The following KIF25 variants were observed in gnomAD, a reference collection of about 807,000 sequenced individuals.
KIF25 encodes kinesin-like protein KIF25.
In KIF25, 19 loss-of-function variants were observed where a neutral mutation model predicts 32.9. The observed-to-expected ratio is 0.58, with a 90% CI of 0.40 to 0.85. KIF25 has a LOEUF of 0.85. Ranked by LOEUF, KIF25 falls within the 40% of genes least tolerant of loss-of-function variation. The pLI is 0.00. For synonymous variants in KIF25, 225 were observed against 213.7 expected (o/e 1.05, Z -0.46); for missense variants, 485 against 507.0 (o/e 0.96, Z 0.42).
intron 5 of KIF25, among the ~76,000 whole-genome samples, chr6:168,027,751 G>A (rs1798883759): frequency 6.6e-6 from 1 of 152,258 alleles, no homozygotes; most frequent in East Asian, 1.9e-4. Flanking sequence ...GGGTTGTTCC[G>A]GTCCGTGGGT....
At chr6:168,010,282 T>C (rs1017668550) in intron 4 of KIF25, among the ~76,000 whole-genome samples, 3 of 152,076 alleles carry the variant, frequency 2.0e-5, no homozygotes, top group Non-Finnish European at 4.4e-5. Context: ...TCAGAGAATT[T>C]TAACTTTTTT....
intron 10 of KIF25, among the ~76,000 whole-genome samples, chr6:168,041,625 G>A (rs919327762): frequency 3.9e-5 from 6 of 152,162 alleles, no homozygotes; most frequent in Admixed American, 1.3e-4. Context: ...GAAGATTATC[G>A]AACAGATTGT....
At chr6:168,012,407 C>T (rs895829011) in intron 4 of KIF25, among the ~76,000 whole-genome samples, 4 of 152,218 alleles carry the variant, frequency 2.6e-5, no homozygotes, top group African/African-American at 9.6e-5. Flanking sequence ...GTTCCTTTAG[C>T]TGTCATACAC....
intron 5 of KIF25, among the ~76,000 whole-genome samples, chr6:168,019,753 A>G (rs1798763501): frequency 6.6e-6 from 1 of 152,238 alleles, no homozygotes; most frequent in African/African-American, 2.4e-5. Context: ...CCATGGGACC[A>G]TGATGTATTG....
chr6:168,007,326 G>A (rs1319034783), intron 4 of KIF25, among the ~76,000 whole-genome samples: 4 of 152,164 alleles, frequency 2.6e-5, no homozygotes, highest in African/African-American at 7.2e-5. Context: ...GTAGGAGATC[G>A]CTTGAATCCG....
At chr6:168,033,226 A>G (rs963401899) in intron 7 of KIF25, among the ~76,000 whole-genome samples, 3 of 152,218 alleles carry the variant, frequency 2.0e-5, no homozygotes, top group Non-Finnish European at 4.4e-5. Flanking sequence ...AACATACGCA[A>G]AAATGGCTCA....
chr6:168,044,688 C>A, intron 12 of KIF25, 139 bp from the exon 13 acceptor site: 2 of 834,478 alleles, frequency 2.4e-6, no homozygotes, highest in Non-Finnish European at 3.7e-6. Flanking sequence ...CAGGAACCTG[C>A]CAGACGTGGC....
intron 9 of KIF25, 66 bp downstream of exon 9, chr6:168,038,795 G>T: frequency 6.5e-7 from 1 of 1,527,742 alleles, no homozygotes; most frequent in Non-Finnish European, 9.0e-7. Flanking sequence ...CCTCCCACCT[G>T]GTCAGGAGGC....
At chr6:167,999,941 A>C in intron 2 of KIF25, among the ~76,000 whole-genome samples, 2 of 128,258 alleles carry the variant, frequency 1.6e-5, no homozygotes, top group South Asian at 2.7e-4. Flanking sequence ...CATCCTGACC[A>C]CACCTGACCC....
chr6:168,044,819 T>C lies in KIF25; in HGVS notation c.986-8T>C. The C allele has an allele frequency of 6.3e-7, 1 of 1,575,794 alleles. No individual in the cohort carries two copies. ...TTCCAGCTTGCATGTTGTTTTTCTA[T>C]TTTAAAGGAGGCGATGCGAAGTTAC... is the stretch of plus-strand genomic sequence containing the variant. On this transcript the variant is annotated splice_polypyrimidine_tract_variant and splice_region_variant and intron_variant, in intron 12 of 12. Transcript: ENST00000643607.
chr6:168,021,684 G>A (rs999240128), intron 5 of KIF25, among the ~76,000 whole-genome samples: 1 of 152,144 alleles, frequency 6.6e-6, no homozygotes, highest in Non-Finnish European at 1.5e-5. Context: ...ACACTGAATT[G>A]CCTGTCTCCC....
chr6:168,030,763 T>C lies in KIF25; in HGVS notation c.93-10T>C. On this transcript the variant is annotated splice_polypyrimidine_tract_variant and intron_variant, in intron 6 of 12. Coordinates refer to ENST00000643607, the MANE Select transcript of KIF25 (RefSeq NM_030615.4). ...TTCTATTAATACAGCATTTTCACTT[T>C]GTCTCTCAGGGTTTATGGTCCAGCA... The C allele has an allele frequency of 6.2e-7, 1 of 1,603,826 alleles. No individual in the cohort carries two copies. The highest frequency in any genetic ancestry group is 2.3e-5 in the East Asian group (1 of 44,144).
At chr6:168,001,652 G>C (rs1798505284) in intron 2 of KIF25, among the ~76,000 whole-genome samples, 1 of 102,584 alleles carries the variant, frequency 9.7e-6, no homozygotes, top group Non-Finnish European at 1.9e-5. Context: ...TTCAGGCGTG[G>C]CCTCGGGCAG....
chr6:168,022,548 C>T (rs1798801349), intron 5 of KIF25, among the ~76,000 whole-genome samples: 1 of 152,178 alleles, frequency 6.6e-6, no homozygotes. Flanking sequence ...ACCTCAGCCT[C>T]CCGAGTAGCT....
At chr6:168,015,118 C>T (rs1252181293) in intron 4 of KIF25, among the ~76,000 whole-genome samples, 10 of 152,238 alleles carry the variant, frequency 6.6e-5, no homozygotes, top group South Asian at 2.1e-4. Flanking sequence ...AACGTGGGTT[C>T]GCTGGGCCTT....
intron 4 of KIF25, among the ~76,000 whole-genome samples, chr6:168,006,011 G>A (rs1358631655): frequency 1.3e-5 from 2 of 152,192 alleles, no homozygotes; most frequent in Admixed American, 6.5e-5. Flanking sequence ...TCATGGGAGG[G>A]TCAGGTCCTG....
chr6:168,027,521 G>A (rs564084783), intron 5 of KIF25, among the ~76,000 whole-genome samples: 22 of 151,986 alleles, frequency 1.4e-4, no homozygotes, highest in Non-Finnish European at 2.2e-4. Context: ...AGGTTGGGGG[G>A]AAAATGGTCA....
intron 4 of KIF25, among the ~76,000 whole-genome samples, chr6:168,016,917 G>A (rs12198634): frequency 0.14 from 21,763 of 152,264 alleles, 1,585 homozygotes; most frequent in South Asian, 0.19. Flanking sequence ...CTGGCGTTCC[G>A]TCATTGCTTC....
chr6:168,009,033 T>G (rs374524443), intron 4 of KIF25, among the ~76,000 whole-genome samples: 5 of 152,140 alleles, frequency 3.3e-5, no homozygotes, highest in African/African-American at 1.2e-4. Flanking sequence ...CAGGAACAAT[T>G]TGACTTCCTT....
Sources: allele counts gnomAD v4.1 joint callset (sites outside exome capture counted in the v4.1 genomes callset), GRCh38; gene constraint gnomAD v4.1.1; transcripts MANE v1.5; gene names NCBI Gene and HGNC (gene_info 2026-07-23, HGNC 2026-07-21).